EVC2: variants seen among roughly 807,000 people sequenced by gnomAD.
EVC2 encodes limbin.
In EVC2, 148 loss-of-function variants were observed where a neutral mutation model predicts 149.3. The observed-to-expected ratio is 0.99, with a 90% CI of 0.87 to 1.14. The LOEUF (loss-of-function observed/expected upper bound fraction) is 1.14, where lower values mean the gene tolerates loss of function less well. EVC2 is among the 50% of genes most tolerant of loss of function. The probability of loss-of-function intolerance (pLI) is 0.00; values close to 1 mark genes in which losing one functional copy is unlikely to be tolerated. For missense variants in EVC2, 1,854 were observed against 1,627.3 expected, an observed-to-expected ratio of 1.14 and a Z score of -2.40; for synonymous variants, 776 against 649.9, an observed-to-expected ratio of 1.19 and a Z score of -2.95.
At chr4:5,533,409 G>A in the EVC2 span, among the ~76,000 whole-genome samples, 2 of 152,182 alleles carry the variant, frequency 1.3e-5, no homozygotes, top group African/African-American at 4.8e-5. Context: ...AGAGCCAGTG[G>A]GGGGTGGAGT....
intron 16 of EVC2, among the ~76,000 whole-genome samples, chr4:5,602,209 C>A (rs553823532): frequency 1.9e-4 from 28 of 150,110 alleles, no homozygotes; most frequent in African/African-American, 6.4e-4. Context: ...ATCACTTGTA[C>A]CACCCTGGAG....
intron 7 of EVC2, among the ~76,000 whole-genome samples, chr4:5,675,178 A>G (rs1719909986): frequency 6.6e-6 from 1 of 152,072 alleles, no homozygotes; most frequent in Non-Finnish European, 1.5e-5. Flanking sequence ...TCTCTTATGT[A>G]TATTACAAAT....
chr4:5,576,134 G>T lies in EVC2; in HGVS notation c.3272+106C>A. ...AGCAATGGGATGACACCTTAGGCAA[G>T]AGGGTGAGAGCCCAGGTGGGTATGG... On this transcript the variant is annotated intron_variant, in intron 18 of 21. Coordinates refer to ENST00000344408, the MANE Select transcript of EVC2 (RefSeq NM_147127.5). The surrounding 1 kb of genome is among the most constrained non-coding windows in gnomAD (Gnocchi z 4.5). 1 of 1,586,252 alleles carries T rather than the reference G, an allele frequency of 6.3e-7. No homozygotes were observed. The highest frequency in any genetic ancestry group is 1.1e-5 in the South Asian group (1 of 89,690).
chr4:5,628,081 TTCTTCTTC>T lies in EVC2; in HGVS notation c.1886+470_1886+477del, dbSNP rs1355250359. Among the ~76,000 whole-genome samples, 682 of 152,296 alleles carry T rather than the reference TTCTTCTTC, an allele frequency of 4.5e-3. 6 individuals are homozygous for T. Among genetic ancestry groups the T allele is most frequent in the African/African-American group, 0.016 (649 of 41,566 alleles). On this transcript the variant is annotated intron_variant, in intron 12 of 21. Coordinates refer to ENST00000344408, the MANE Select transcript of EVC2 (RefSeq NM_147127.5). ...AACACAAAGGATTTTTACAAGATAA[TTCTTCTTC>T]AGAAATAATAAGTGAGGAGCAGTCA...
chr4:5,593,780 G>A (rs997764421), intron 16 of EVC2, among the ~76,000 whole-genome samples: 2 of 152,158 alleles, frequency 1.3e-5, no homozygotes, highest in Admixed American at 6.5e-5. Context: ...TGCCTCACTC[G>A]GGAAGCACAA....
At chr4:5,663,436 G>T (rs1273178854) in intron 8 of EVC2, among the ~76,000 whole-genome samples, 190 bp from the exon 9 acceptor site, 1 of 152,200 alleles carries the variant, frequency 6.6e-6, no homozygotes, top group Non-Finnish European at 1.5e-5. Flanking sequence ...AAAGAAATGG[G>T]ATCATAATTC....
intron 7 of EVC2, among the ~76,000 whole-genome samples, chr4:5,676,899 GCAACCCGAGTGT>G: frequency 6.6e-6 from 1 of 152,166 alleles, no homozygotes; most frequent in South Asian, 2.1e-4. Context: ...TGGGTGACAG[GCAACCCGAGTGT>G]CCATGCTGCC....
chr4:5,588,724 T>C (rs1036863347), intron 16 of EVC2, among the ~76,000 whole-genome samples: 9 of 152,258 alleles, frequency 5.9e-5, no homozygotes, highest in African/African-American at 1.9e-4. Context: ...ATGTGTGGTA[T>C]AGATGTAAAT....
intron 9 of EVC2, among the ~76,000 whole-genome samples, chr4:5,660,954 A>C (rs1718837722): frequency 6.6e-6 from 1 of 152,190 alleles, no homozygotes; most frequent in African/African-American, 2.4e-5. Flanking sequence ...AGCAGTACCA[A>C]ATTAAATAAG....
chr4:5,651,452 G>T (rs1045623119), intron 9 of EVC2, among the ~76,000 whole-genome samples: 5 of 152,034 alleles, frequency 3.3e-5, no homozygotes, highest in Admixed American at 3.3e-4. Flanking sequence ...AGGTGTATGG[G>T]TGCATGGGTA....
In EVC2 at chr4:5,640,544, T is replaced by C. The variant is rs779955202; in HGVS notation, c.1440A>G (p.Ala480=). ...CACCAGCACGTTTCAGCAACTCTTC[T>C]GCTTCCTCCATTGCCATCATCTCTC... ...YQREMMAMEE[A]EELLKRAGER... is the part of the protein sequence containing the mutation. Residue 480 remains alanine, a synonymous_variant, in exon 10 of 22, where the codon GCA becomes GCG. Coordinates refer to ENST00000344408, the MANE Select transcript of EVC2 (RefSeq NM_147127.5). This position sits in a 1 kb window ranked among gnomAD's most constrained non-coding sequence, Gnocchi z 4.6. 5.0e-6 allele frequency: 8 copies of C among 1,614,074 alleles called. No homozygotes were observed. The highest frequency in any genetic ancestry group is 5.1e-6 in the Non-Finnish European group (6 of 1,180,048).
chr4:5,667,122 TAA>T (rs963260771), intron 7 of EVC2, among the ~76,000 whole-genome samples: 6 of 152,074 alleles, frequency 3.9e-5, no homozygotes, highest in African/African-American at 1.4e-4. Context: ...TAATAATATA[TAA>T]AAAGTCTTAT....
At chr4:5,593,939 G>T (rs1356066287) in intron 16 of EVC2, among the ~76,000 whole-genome samples, 2 of 152,192 alleles carry the variant, frequency 1.3e-5, no homozygotes, top group Non-Finnish European at 2.9e-5. Context: ...GGCTTGGAGG[G>T]TCCTACACCC....
chr4:5,643,209 G>A (rs994646806), intron 9 of EVC2, among the ~76,000 whole-genome samples: 1 of 152,210 alleles, frequency 6.6e-6, no homozygotes. Flanking sequence ...ATCACTCTGA[G>A]CTTCAACCTG....
At chr4:5,667,730 G>C (rs1286428928) in intron 7 of EVC2, among the ~76,000 whole-genome samples, 1 of 152,226 alleles carries the variant, frequency 6.6e-6, no homozygotes, top group Non-Finnish European at 1.5e-5. Flanking sequence ...CATGTGAAAT[G>C]TATTCTACTA....
At chr4:5,556,496 C>G (rs1577090022) in intron 21 of EVC2, among the ~76,000 whole-genome samples, 1 of 151,566 alleles carries the variant, frequency 6.6e-6, no homozygotes, top group African/African-American at 2.4e-5. Flanking sequence ...GGAATAAAGA[C>G]CTAAAATTAA....
downstream of EVC2, among the ~76,000 whole-genome samples, chr4:5,540,163 A>C (rs1243419453): frequency 6.6e-6 from 1 of 152,232 alleles, no homozygotes; most frequent in Non-Finnish European, 1.5e-5. Flanking sequence ...CATAAGTAAA[A>C]TTTAAAAGAC....
chr4:5,550,430 CT>C (rs1376017946), intron 21 of EVC2, among the ~76,000 whole-genome samples: 1 of 152,186 alleles, frequency 6.6e-6, no homozygotes, highest in Non-Finnish European at 1.5e-5. Context: ...CATTTTGCCC[CT>C]ATCCTAGAGA....
Position 5,665,659 on chromosome 4 carries a change from CAA to C in EVC2, c.871-12_871-11del. The C allele has an allele frequency of 1.2e-6, 2 of 1,613,964 alleles. No homozygotes were observed. Among genetic ancestry groups the C allele is most frequent in the Non-Finnish European group, 1.7e-6 (2 of 1,179,952 alleles). ...CGTGGTGCGGCAGAACCTGTGGAGACAAGAGGAGAGCAGGATTCATGTGTGGT... is the reference window on the plus strand; with the variant it reads ...CGTGGTGCGGCAGAACCTGTGGAGACGAGGAGAGCAGGATTCATGTGTGGT... On this transcript the variant is annotated splice_polypyrimidine_tract_variant and intron_variant, in intron 7 of 21. Transcript: ENST00000344408.
Sources: gnomAD v4.1 joint callset for allele counts (sites outside exome capture counted in the v4.1 genomes callset) on GRCh38, gnomAD v4.1.1 for gene constraint, Gnocchi (gnomAD v3.1) non-coding constraint, MANE v1.5 for transcripts, NCBI Gene and HGNC (gene_info 2026-07-23, HGNC 2026-07-21) for gene names.